RIN2: variants seen among roughly 807,000 people sequenced by gnomAD.
The protein encoded by RIN2 is Ras and Rab interactor 2, also known as RAB5 interacting protein 2.
A neutral mutation model predicts 78.0 loss-of-function variants in RIN2; 36 were observed. The ratio of observed to expected loss-of-function variants is 0.46; its 90% confidence interval spans 0.35 to 0.61. The LOEUF (loss-of-function observed/expected upper bound fraction) is 0.61, where lower values mean the gene tolerates loss of function less well. RIN2 is among the 20% of genes least tolerant of loss of function. The probability of loss-of-function intolerance (pLI) is 0.00; values close to 1 mark genes in which losing one functional copy is unlikely to be tolerated. For synonymous variants in RIN2, 466 were observed against 466.8 expected (o/e 1.00, Z 0.02); for missense variants, 1,087 against 1,159.7 (o/e 0.94, Z 0.91).
rs144348562 is a variant in RIN2 at position 19,771,588 on chromosome 20, C to T, written c.-163+13261C>T. Among the ~76,000 whole-genome samples the T allele has an allele frequency of 5.9e-3, 892 of 152,286 alleles. 16 individuals carry two copies. The highest frequency in any genetic ancestry group is 0.02 in the African/African-American group (821 of 41,562). ...CGGCTGTCGGTCTCGAGGGGTCCAG[C>T]TCCCTTTCCGTAGTCCATCCACACA... is the stretch of plus-strand genomic sequence containing the variant. On this transcript the variant is annotated intron_variant, in intron 1 of 12. Transcript: ENST00000255006.
chr20:19,892,727 C>T (rs547204688), intron 3 of RIN2, among the ~76,000 whole-genome samples: 9 of 152,282 alleles, frequency 5.9e-5, no homozygotes, highest in East Asian at 1.9e-4. Context: ...ACAATTATTC[C>T]GTAATTAGTC....
chr20:19,934,068 C>T (rs1465197670), intron 3 of RIN2, among the ~76,000 whole-genome samples: 1 of 152,202 alleles, frequency 6.6e-6, no homozygotes, highest in East Asian at 1.9e-4. Flanking sequence ...CCTCGGCCTC[C>T]CAAAGTGCTG....
chr20:19,787,717 G>T (rs901126189), intron 1 of RIN2, among the ~76,000 whole-genome samples: 7 of 152,176 alleles, frequency 4.6e-5, no homozygotes, highest in African/African-American at 1.7e-4. Flanking sequence ...TGCTCAATAA[G>T]TGGTAGCTAG....
At position 19,996,693 on chromosome 20, in the gene RIN2, A is replaced by T; in HGVS notation, c.2215A>T (p.Thr739Ser). 1.9e-6 allele frequency: 3 copies of T among 1,614,064 alleles called. No individual in the cohort carries two copies. The highest frequency in any genetic ancestry group is 2.5e-6 in the Non-Finnish European group (3 of 1,179,910). ...GCTCTTTTCAGGAGGCTATTACTTG[A>T]CAAGCGCATATGGAGCACTTTCTCT... ...LLHGEGGYYL[T>S]SAYGALSLIK... Residue 739 changes from threonine to serine, a missense_variant, in exon 12 of 13, where the codon ACA becomes TCA. Physicochemically the swap from Thr to Ser is moderately conservative, Grantham distance 58. This residue lies in a region of RIN2 where 45 missense variants were observed against 88.1 expected (regional missense o/e 0.51). Coordinates refer to ENST00000255006, the MANE Select transcript of RIN2 (RefSeq NM_018993.4).
At chr20:19,886,754 A>G (rs2038214794) in intron 2 of RIN2, 1 of 1,541,576 alleles carries the variant, frequency 6.5e-7, no homozygotes, top group Non-Finnish European at 8.7e-7. Context: ...ACAAGTCTGG[A>G]GGAATTTCAC....
intron 2 of RIN2, among the ~76,000 whole-genome samples, chr20:19,851,032 AGGAAGGAAGGAAGG>A (rs1331469907): frequency 8.7e-6 from 1 of 114,948 alleles, no homozygotes; most frequent in African/African-American, 4.0e-5. Context: ...GAAGGAAGGA[AGGAAGGAAGGAAGG>A]AAGGAGAAAG....
chr20:19,803,657 C>G (rs2122732724), intron 2 of RIN2, among the ~76,000 whole-genome samples: 1 of 152,218 alleles, frequency 6.6e-6, no homozygotes, highest in East Asian at 1.9e-4. Context: ...TCTTTTTGCT[C>G]CAGATTGTCT....
At chr20:19,932,277 G>A (rs931028659) in intron 3 of RIN2, among the ~76,000 whole-genome samples, 2 of 152,096 alleles carry the variant, frequency 1.3e-5, no homozygotes, top group Admixed American at 6.6e-5. Flanking sequence ...CTTCCGCCAC[G>A]GGATGACTCT....
intron 1 of RIN2, among the ~76,000 whole-genome samples, chr20:19,792,497 A>G (rs1329583067): frequency 1.3e-5 from 2 of 152,182 alleles, no homozygotes; most frequent in East Asian, 3.9e-4. Flanking sequence ...GTTGTGAGAA[A>G]GACACTTGAA....
At chr20:19,859,985 G>A (rs1424723765) in intron 2 of RIN2, among the ~76,000 whole-genome samples, 1 of 152,180 alleles carries the variant, frequency 6.6e-6, no homozygotes, top group East Asian at 1.9e-4. Context: ...GCACCCCTGT[G>A]GACAACTGGA....
At chr20:19,935,561 C>T in intron 4 of RIN2, 1 of 1,019,282 alleles carries the variant, frequency 9.8e-7, no homozygotes, top group Non-Finnish European at 1.2e-6. Context: ...CTCCAGAAGG[C>T]TTACAGGGGA....
chr20:19,849,753 T>G (rs1194628865), intron 2 of RIN2, among the ~76,000 whole-genome samples: 1 of 152,118 alleles, frequency 6.6e-6, no homozygotes, highest in East Asian at 1.9e-4. Context: ...AAGGAAGAAT[T>G]TTAAGTCTGC....
intron 2 of RIN2, among the ~76,000 whole-genome samples, chr20:19,832,538 C>T (rs1019019437): frequency 6.6e-6 from 1 of 151,760 alleles, no homozygotes; most frequent in Non-Finnish European, 1.5e-5. Context: ...GTGCTCCCAC[C>T]CTCCGGGCCA....
At chr20:19,805,568 A>ATTTTTGTATTTTTAGTAGAGACAGGGTT (rs1382955095) in intron 2 of RIN2, among the ~76,000 whole-genome samples, 1 of 151,868 alleles carries the variant, frequency 6.6e-6, no homozygotes, top group African/African-American at 2.4e-5. Flanking sequence ...CACCCAGCTA[A>ATTTTTGTATTTTTAGTAGAGACAGGGTT]TTTTTGTATT....
chr20:19,858,199 G>C (rs1355664250), intron 2 of RIN2, among the ~76,000 whole-genome samples: 1 of 151,860 alleles, frequency 6.6e-6, no homozygotes, highest in Non-Finnish European at 1.5e-5. Flanking sequence ...TTGTTTTTCT[G>C]TCTTACAACC....
At chr20:19,913,656 A>G (rs895990166) in intron 3 of RIN2, among the ~76,000 whole-genome samples, 17 of 152,152 alleles carry the variant, frequency 1.1e-4, no homozygotes, top group African/African-American at 3.9e-4. Flanking sequence ...TCCTCTCGGT[A>G]CTTCCTACAA....
chr20:19,855,813 C>T (rs569831491), intron 2 of RIN2, among the ~76,000 whole-genome samples: 14 of 152,258 alleles, frequency 9.2e-5, no homozygotes, highest in Non-Finnish European at 1.9e-4. Context: ...TGGTGGCTCA[C>T]GCTTGTAATC....
chr20:19,802,849 C>T (rs1229737773), intron 2 of RIN2, among the ~76,000 whole-genome samples: 1 of 152,076 alleles, frequency 6.6e-6, no homozygotes, highest in African/African-American at 2.4e-5. Flanking sequence ...GTCTTCCAGC[C>T]CCTGCTGGAC....
At chr20:19,922,139 T>C (rs2039950697) in intron 3 of RIN2, among the ~76,000 whole-genome samples, 2 of 152,200 alleles carry the variant, frequency 1.3e-5, no homozygotes, top group Admixed American at 1.3e-4. Context: ...CTGCTAGGAT[T>C]ACAGGCGTGA....
Sources: allele counts gnomAD v4.1 joint callset (sites outside exome capture counted in the v4.1 genomes callset), GRCh38; gene constraint gnomAD v4.1.1; regional missense constraint gnomAD v4.1.1; transcripts MANE v1.5; gene names NCBI Gene and HGNC (gene_info 2026-07-23, HGNC 2026-07-21).